UBE2L3: variants seen among roughly 807,000 people sequenced by gnomAD.
The protein encoded by UBE2L3 is ubiquitin-conjugating enzyme E2 L3.
UBE2L3 carries 1 observed loss-of-function variant against 17.8 expected under a neutral mutation model. The observed-to-expected ratio is 0.06, with a 90% CI of 0.02 to 0.27. The LOEUF is 0.27. UBE2L3 is among the 10% of genes least tolerant of loss of function. The pLI, the probability that UBE2L3 is intolerant of heterozygous loss-of-function variation, is 1.00. For synonymous variants in UBE2L3, 44 were observed against 68.5 expected, an observed-to-expected ratio of 0.64 and a Z score of 1.76; for missense variants, 40 against 192.6, an observed-to-expected ratio of 0.21 and a Z score of 4.69.
chr22:21,611,163 A>G, intron 3 of UBE2L3, 120 bp downstream of exon 3: 1 of 1,198,688 alleles, frequency 8.3e-7, no homozygotes, highest in Non-Finnish European at 1.1e-6. Flanking sequence ...CGAAAAATGT[A>G]GCTGAGGTCC....
chr22:21,611,148 G>C, intron 3 of UBE2L3, 105 bp downstream of exon 3: 1 of 1,323,898 alleles, frequency 7.6e-7, no homozygotes, highest in Non-Finnish European at 1.0e-6. Context: ...AATCTTTCAG[G>C]TACACGAAAA....
At chr22:21,586,655 C>T (rs1054787910) in intron 1 of UBE2L3, among the ~76,000 whole-genome samples, 6 of 151,650 alleles carry the variant, frequency 4.0e-5, no homozygotes, top group African/African-American at 1.5e-4. Context: ...ACAACCTCCA[C>T]CTCCCGGATT....
intron 1 of UBE2L3, among the ~76,000 whole-genome samples, chr22:21,556,928 C>G (rs1926250997): frequency 6.6e-6 from 1 of 152,232 alleles, no homozygotes; most frequent in Admixed American, 6.5e-5. Flanking sequence ...GTGGCAGGTG[C>G]CTGTAATCCC....
At chr22:21,568,411 C>T in intron 1 of UBE2L3, 3 of 985,414 alleles carry the variant, frequency 3.0e-6, no homozygotes, top group Non-Finnish European at 3.6e-6. Flanking sequence ...CTGAGGTCGG[C>T]CCCGATCGCG....
At chr22:21,613,783 G>A (rs1469272827) in intron 3 of UBE2L3, among the ~76,000 whole-genome samples, 3 of 152,198 alleles carry the variant, frequency 2.0e-5, no homozygotes, top group South Asian at 4.1e-4. Flanking sequence ...GCTGGGAAGA[G>A]CTGGTAGGCA....
chr22:21,589,098 T>A (rs957993131), intron 1 of UBE2L3, among the ~76,000 whole-genome samples: 1 of 151,652 alleles, frequency 6.6e-6, no homozygotes, highest in Non-Finnish European at 1.5e-5. Context: ...CTGGCCTGAA[T>A]TTATCTTCTT....
chr22:21,618,744 C>T (rs574872895), intron 3 of UBE2L3, among the ~76,000 whole-genome samples: 1 of 152,188 alleles, frequency 6.6e-6, no homozygotes. Flanking sequence ...TGTGCCACCA[C>T]AACCGGCTAA....
intron 1 of UBE2L3, among the ~76,000 whole-genome samples, chr22:21,571,694 G>A (rs1028816857): frequency 6.6e-6 from 1 of 152,180 alleles, no homozygotes; most frequent in Admixed American, 6.6e-5. Context: ...GAGCCACTGC[G>A]CCCAGCCTAA....
upstream of UBE2L3, among the ~76,000 whole-genome samples, chr22:21,566,319 C>T (rs372875530): frequency 3.3e-5 from 5 of 152,040 alleles, no homozygotes; most frequent in African/African-American, 1.2e-4. Context: ...TGTGGTGGCT[C>T]ATGCCTGTAA....
At chr22:21,616,837 A>C (rs554091053) in intron 3 of UBE2L3, among the ~76,000 whole-genome samples, 1 of 152,064 alleles carries the variant, frequency 6.6e-6, no homozygotes, top group South Asian at 2.1e-4. Flanking sequence ...TTCTTTGACA[A>C]TGAAGCTCCC....
At chr22:21,615,686 T>A (rs1272318597) in intron 3 of UBE2L3, among the ~76,000 whole-genome samples, 3 of 152,352 alleles carry the variant, frequency 2.0e-5, no homozygotes, top group African/African-American at 7.2e-5. Context: ...GCCTACTCAC[T>A]AAAGTTTTTT....
At chr22:21,564,047 T>C (rs1926548919), upstream of UBE2L3, among the ~76,000 whole-genome samples, 2 of 151,098 alleles carry the variant, frequency 1.3e-5, no homozygotes, top group South Asian at 4.2e-4. Context: ...CTTTTTTTTT[T>C]TTTTTTGAGA....
At chr22:21,580,914 C>T (rs1927587066) in intron 1 of UBE2L3, among the ~76,000 whole-genome samples, 1 of 137,392 alleles carries the variant, frequency 7.3e-6, no homozygotes, top group South Asian at 2.3e-4. Flanking sequence ...GGTCTTGCTC[C>T]GTTGCCCAGG....
chr22:21,568,174 CG>C, intron 1 of UBE2L3: 1 of 1,003,024 alleles, frequency 1.0e-6, no homozygotes, highest in Non-Finnish European at 1.2e-6. Flanking sequence ...GCCCGCGCCG[CG>C]GAACCGCCCC....
intron 2 of UBE2L3, among the ~76,000 whole-genome samples, chr22:21,594,295 A>T (rs1193958178): frequency 6.6e-6 from 1 of 151,686 alleles, no homozygotes; most frequent in Non-Finnish European, 1.5e-5. Context: ...GATGCTGGTT[A>T]TAAGGTCATG....
intron 1 of UBE2L3, chr22:21,568,028 C>T: frequency 7.7e-7 from 1 of 1,305,122 alleles, no homozygotes. Context: ...CCACTCTCCG[C>T]CCGGAGCTTG....
chr22:21,568,300 C>T, intron 1 of UBE2L3: 2 of 985,730 alleles, frequency 2.0e-6, no homozygotes, highest in Non-Finnish European at 2.4e-6. Flanking sequence ...AAAGTTAGGT[C>T]AGTTTGTTGG....
chr22:21,592,632 G>T (rs561653678), intron 1 of UBE2L3, among the ~76,000 whole-genome samples: 5 of 152,174 alleles, frequency 3.3e-5, no homozygotes, highest in Non-Finnish European at 7.4e-5. Context: ...GTTCACTGAG[G>T]TGGGGGCTTG....
rs544831957 is a variant in UBE2L3 at position 21,617,160 on chromosome 22, A to G, written c.311-4355A>G. On this transcript the variant is annotated intron_variant, in intron 3 of 3. Coordinates refer to ENST00000342192, the MANE Select transcript of UBE2L3 (RefSeq NM_003347.4). ...ACTCTGTCTTAAAAAAAAAAAAAAA[A>G]AAAGAAAAGGAACAAAAGGAAGGAA... Among the ~76,000 whole-genome samples the G allele has an allele frequency of 8.6e-4, 131 of 151,894 alleles. 1 individual carries two copies. The highest frequency in any genetic ancestry group is 1.1e-3 in the Non-Finnish European group (76 of 67,954).
Sources: gnomAD v4.1 joint callset for allele counts (sites outside exome capture counted in the v4.1 genomes callset) on GRCh38, gnomAD v4.1.1 for gene constraint, MANE v1.5 for transcripts, NCBI Gene and HGNC (gene_info 2026-07-23, HGNC 2026-07-21) for gene names.